PRUNE2: variants seen among roughly 807,000 people sequenced by gnomAD.
PRUNE2 encodes the protein protein prune homolog 2.
In PRUNE2, 164 loss-of-function variants were observed where a neutral mutation model predicts 252.0. The observed-to-expected ratio is 0.65, with a 90% CI of 0.57 to 0.74. PRUNE2 has a LOEUF of 0.74. PRUNE2 is among the 30% of genes least tolerant of loss of function. The probability of loss-of-function intolerance (pLI) is 0.00; values close to 1 mark genes in which losing one functional copy is unlikely to be tolerated. For synonymous variants in PRUNE2, 1,292 were observed against 1,350.2 expected (o/e 0.96, Z 0.94); for missense variants, 3,495 against 3,711.0 (o/e 0.94, Z 1.51).
intron 6 of PRUNE2, among the ~76,000 whole-genome samples, chr9:76,719,653 C>CT (rs111370694): frequency 0.019 from 2,858 of 147,912 alleles, 77 homozygotes; most frequent in African/African-American, 0.064. Context: ...ATATATGTTC[C>CT]TTTTTTTTTT....
intron 1 of PRUNE2, among the ~76,000 whole-genome samples, chr9:76,892,941 G>C (rs573233520): frequency 2.0e-5 from 3 of 152,180 alleles, no homozygotes; most frequent in Non-Finnish European, 2.9e-5. Flanking sequence ...TGATTAGGCT[G>C]GGCACAGTGG....
chr9:76,785,735 GT>G, intron 6 of PRUNE2: 1 of 149,312 alleles, frequency 6.7e-6, no homozygotes, highest in East Asian at 2.0e-4. Flanking sequence ...TAAGAGCTCT[GT>G]GTGTGTGTGT....
At chr9:76,870,031 C>T (rs2061093389) in intron 1 of PRUNE2, among the ~76,000 whole-genome samples, 1 of 152,112 alleles carries the variant, frequency 6.6e-6, no homozygotes, top group Non-Finnish European at 1.5e-5. Context: ...AAGTCAGCCA[C>T]ATTAAAAAGA....
At position 76,703,839 on chromosome 9, in the gene PRUNE2, C is replaced by T. The variant is rs371921844; in HGVS notation, c.7774G>A (p.Ala2592Thr). 1.2e-6 allele frequency: 2 copies of T among 1,613,890 alleles called. No individual in the cohort carries two copies. Among genetic ancestry groups the T allele is most frequent in the African/African-American group, 2.7e-5 (2 of 74,928 alleles). Residue 2592 changes from alanine to threonine, a missense_variant, in exon 9 of 19, where the codon GCA becomes ACA. Transcript: ENST00000376718. ...GGCTGACATGTGTCTGGGAAGCTTG[C>T]TAACTGAGTTCCCTGCAGCCCTGTT... is the stretch of plus-strand genomic sequence containing the variant. ...KETGLQGTQL[A>T]SFPDTCQPAS...
At chr9:76,783,048 T>C (rs2054590865) in intron 6 of PRUNE2, among the ~76,000 whole-genome samples, 2 of 152,224 alleles carry the variant, frequency 1.3e-5, no homozygotes, top group Non-Finnish European at 1.5e-5. Flanking sequence ...ACAGTCCACA[T>C]AGTAGGTATT....
intron 1 of PRUNE2, among the ~76,000 whole-genome samples, chr9:76,867,146 C>T (rs767508195): frequency 9.9e-5 from 15 of 152,134 alleles, no homozygotes; most frequent in Non-Finnish European, 1.9e-4. Flanking sequence ...TGCCATCCCA[C>T]GCACCTTTCT....
intron 1 of PRUNE2, among the ~76,000 whole-genome samples, chr9:76,878,329 T>C (rs777186488): frequency 2.6e-5 from 4 of 152,154 alleles, no homozygotes; most frequent in Non-Finnish European, 4.4e-5. Flanking sequence ...AGGGAGGGTG[T>C]CATGAGCAAG....
At chr9:76,803,662 G>T (rs924484649) in intron 6 of PRUNE2, among the ~76,000 whole-genome samples, 1 of 152,124 alleles carries the variant, frequency 6.6e-6, no homozygotes, top group African/African-American at 2.4e-5. Flanking sequence ...AGGGGATGTG[G>T]TCTCTCTCCC....
At chr9:76,891,795 C>T (rs1182737206) in intron 1 of PRUNE2, among the ~76,000 whole-genome samples, 1 of 152,170 alleles carries the variant, frequency 6.6e-6, no homozygotes, top group Non-Finnish European at 1.5e-5. Flanking sequence ...AATCTACGCC[C>T]ACCTCTGCCA....
At position 76,612,757 on chromosome 9, in the gene PRUNE2, G is replaced by C. The variant is rs781272945; in HGVS notation, c.*1813C>G. ...GGCTGAACTGCGTGTGTGTGGGCAC[G>C]TGCGGAAGGACGGGAGGAGACAGAG... On this transcript the variant is annotated 3_prime_UTR_variant, in exon 19 of 19. Coordinates refer to ENST00000376718, the MANE Select transcript of PRUNE2 (RefSeq NM_015225.3). The C allele has an allele frequency of 6.6e-6, 1 of 152,414 alleles. No homozygotes were observed. Among genetic ancestry groups the C allele is most frequent in the Non-Finnish European group, 1.5e-5 (1 of 68,194 alleles). The allele number at this position is 152,414 out of a possible 1,614,324, so 9.4% of individuals were successfully genotyped here. A position where few individuals can be genotyped will look rare whatever the true frequency, so the allele number is the denominator to read the frequency against.
intron 9 of PRUNE2, among the ~76,000 whole-genome samples, chr9:76,668,944 T>C (rs1327742703): frequency 1.3e-5 from 2 of 151,140 alleles, no homozygotes; most frequent in Admixed American, 6.6e-5. Flanking sequence ...GCCTCTCTCC[T>C]GGACTTGAAG....
rs1024861586 is a variant in PRUNE2 at position 76,613,435 on chromosome 9, C to T, written c.*1135G>A. 1 of 152,096 alleles carries T rather than the reference C, an allele frequency of 6.6e-6. No individual in the cohort carries two copies. The highest frequency in any genetic ancestry group is 1.5e-5 in the Non-Finnish European group (1 of 68,026). 9.4% of individuals were successfully genotyped at this position (152,096 alleles called of 1,614,324 possible). A position where few individuals can be genotyped will look rare whatever the true frequency, so the allele number is the denominator to read the frequency against. On this transcript the variant is annotated 3_prime_UTR_variant, in exon 19 of 19. Coordinates refer to ENST00000376718, the MANE Select transcript of PRUNE2 (RefSeq NM_015225.3). ...TGTGTTTCAGTACCACTTTATTTATCGGCACTAACATTTGAATAATTTTCA... is the reference window on the plus strand; with the variant it reads ...TGTGTTTCAGTACCACTTTATTTATTGGCACTAACATTTGAATAATTTTCA...
chr9:76,621,816 G>A (rs1029485578), intron 17 of PRUNE2, among the ~76,000 whole-genome samples: 2 of 151,940 alleles, frequency 1.3e-5, no homozygotes, highest in African/African-American at 4.8e-5. Context: ...CATGTAGCTG[G>A]GACTGCAGGC....
Position 76,705,725 on chromosome 9 carries a change from G to A in PRUNE2, c.6549C>T (p.Pro2183=). The change falls in exon 8 of 19, where the codon CCC becomes CCT. Residue 2183 remains proline (P), a synonymous_variant. Transcript: ENST00000376718. ...GTTCAGGTGAACCTTTATGAGAGGC[G>A]GGCTGAGAGGAGCCCTTTATGTCTG... ...YQADIKGSSQ[P]ASHKGSPEPS... is the part of the protein sequence containing the mutation. The A allele has an allele frequency of 1.9e-6, 3 of 1,613,918 alleles. No homozygotes were observed. Among genetic ancestry groups the A allele is most frequent in the Non-Finnish European group, 2.5e-6 (3 of 1,179,836 alleles).
chr9:76,883,920 A>G (rs545013573), intron 1 of PRUNE2, among the ~76,000 whole-genome samples: 2 of 152,328 alleles, frequency 1.3e-5, no homozygotes, highest in South Asian at 4.1e-4. Context: ...TAAGAAAATT[A>G]AAACAGTATA....
In PRUNE2 at chr9:76,856,701, C is replaced by T. The variant is rs987714639; in HGVS notation, c.37-2493G>A. 1.5e-5 allele frequency: 3 copies of T among 201,784 alleles called. 1 individual carries two copies. 12.5% of individuals were successfully genotyped at this position (201,784 alleles called of 1,614,324 possible). A position where few individuals can be genotyped will look rare whatever the true frequency, so the allele number is the denominator to read the frequency against. ...TATAACGGGTAAGGACCATAGCATA[C>T]CCCACTGCAAAATTTTGAGGGTTCT... On this transcript the variant is annotated intron_variant, in intron 1 of 18. Transcript: ENST00000376718.
At chr9:76,771,348 G>A (rs2053081058) in intron 6 of PRUNE2, among the ~76,000 whole-genome samples, 1 of 152,130 alleles carries the variant, frequency 6.6e-6, no homozygotes, top group African/African-American at 2.4e-5. Flanking sequence ...TAAACTCAGA[G>A]TTACAGAGTC....
chr9:76,838,825 GTCTT>G (rs1175220054), intron 4 of PRUNE2, among the ~76,000 whole-genome samples: 1 of 152,094 alleles, frequency 6.6e-6, no homozygotes, highest in Non-Finnish European at 1.5e-5. Context: ...GCACCAAAAG[GTCTT>G]TCTCTTTACC....
chr9:76,757,653 T>C (rs929111048), intron 6 of PRUNE2, among the ~76,000 whole-genome samples: 8 of 152,192 alleles, frequency 5.3e-5, no homozygotes, highest in African/African-American at 1.9e-4. Flanking sequence ...GCTTTGTTTC[T>C]TGTGGAATGG....
Sources: gnomAD v4.1 joint callset for allele counts (sites outside exome capture counted in the v4.1 genomes callset) on GRCh38, gnomAD v4.1.1 for gene constraint, MANE v1.5 for transcripts, NCBI Gene and HGNC (gene_info 2026-07-23, HGNC 2026-07-21) for gene names.